The following PGR variants were observed in gnomAD, a reference collection of about 807,000 sequenced individuals.
PGR encodes nuclear receptor subfamily 3 group C member 3.
A neutral mutation model predicts 76.1 loss-of-function variants in PGR; 25 were observed. The observed-to-expected ratio is 0.33, with a 90% CI of 0.24 to 0.46. The LOEUF (loss-of-function observed/expected upper bound fraction) is 0.46, where lower values mean the gene tolerates loss of function less well. Ranked by LOEUF, PGR falls within the 20% of genes least tolerant of loss-of-function variation. The pLI, the probability that PGR is intolerant of heterozygous loss-of-function variation, is 1.00. For missense variants in PGR, 1,172 were observed against 1,225.3 expected (o/e 0.96, Z 0.65); for synonymous variants, 579 against 535.0 (o/e 1.08, Z -1.14).
intron 4 of PGR, among the ~76,000 whole-genome samples, chr11:101,055,123 C>CA (rs1222411943): frequency 6.6e-6 from 1 of 151,426 alleles, no homozygotes; most frequent in Non-Finnish European, 1.5e-5. Flanking sequence ...TCATATAATA[C>CA]AAAAAAATGG....
At chr11:101,093,689 C>T (rs1394373064) in intron 2 of PGR, among the ~76,000 whole-genome samples, 2 of 152,126 alleles carry the variant, frequency 1.3e-5, no homozygotes, top group African/African-American at 4.8e-5. Flanking sequence ...GAACTCCCAA[C>T]CTCAGGTGAT....
At chr11:101,059,953 G>T (rs1860434368) in intron 4 of PGR, among the ~76,000 whole-genome samples, 1 of 151,738 alleles carries the variant, frequency 6.6e-6, no homozygotes, top group Admixed American at 6.6e-5. Flanking sequence ...GATAATGGAA[G>T]AGTGTAGACA....
chr11:101,048,431 G>A (rs1859966492), intron 6 of PGR, among the ~76,000 whole-genome samples: 1 of 152,064 alleles, frequency 6.6e-6, no homozygotes, highest in Admixed American at 6.6e-5. Context: ...GATTATCACA[G>A]AGTGTACTCA....
chr11:101,076,919 A>ATTTTTTTTTTTT (rs59106149), intron 3 of PGR, among the ~76,000 whole-genome samples: 4 of 65,132 alleles, frequency 6.1e-5, no homozygotes, highest in Admixed American at 1.6e-4. Context: ...TACAAATGGA[A>ATTTTTTTTTTTT]TTTTTTTTTT....
At chr11:101,053,284 G>C (rs73571732) in intron 4 of PGR, among the ~76,000 whole-genome samples, 4,306 of 152,200 alleles carry the variant, frequency 0.028, 199 homozygotes, top group African/African-American at 0.098. Flanking sequence ...TCATGTCAAG[G>C]TAGGTAGCAA....
chr11:101,121,214 T>C (rs1387069831), intron 2 of PGR, among the ~76,000 whole-genome samples: 3 of 152,236 alleles, frequency 2.0e-5, no homozygotes, highest in Non-Finnish European at 4.4e-5. Flanking sequence ...GAGCAGACTC[T>C]ATTGGAGATT....
At chr11:101,092,008 C>T in intron 2 of PGR, 132 bp from the exon 3 acceptor site, 1 of 684,482 alleles carries the variant, frequency 1.5e-6, no homozygotes, top group Non-Finnish European at 2.7e-6. Context: ...CTGCCTGGCA[C>T]AGCTGAATGT....
At chr11:101,061,256 T>G (rs1591380161) in intron 4 of PGR, among the ~76,000 whole-genome samples, 1 of 152,290 alleles carries the variant, frequency 6.6e-6, no homozygotes, top group East Asian at 1.9e-4. Flanking sequence ...AAAAAATTAT[T>G]GTCTGTTTAA....
At chr11:101,115,759 G>A (rs1041237047) in intron 2 of PGR, among the ~76,000 whole-genome samples, 3 of 141,214 alleles carry the variant, frequency 2.1e-5, no homozygotes, top group Non-Finnish European at 4.7e-5. Flanking sequence ...ACAGAGCGGG[G>A]ACTCCCTCTC....
At chr11:101,118,394 C>T (rs758888940) in intron 2 of PGR, among the ~76,000 whole-genome samples, 7 of 152,110 alleles carry the variant, frequency 4.6e-5, no homozygotes, top group South Asian at 2.1e-4. Flanking sequence ...TTTGAGCTCA[C>T]GGTCCATACT....
intron 3 of PGR, among the ~76,000 whole-genome samples, chr11:101,081,937 T>C (rs1861322701): frequency 6.6e-6 from 1 of 152,220 alleles, no homozygotes. Context: ...ATGGTCTAAA[T>C]GCCTGATATG....
chr11:101,059,057 C>G (rs1565337029), intron 4 of PGR, among the ~76,000 whole-genome samples: 1 of 151,902 alleles, frequency 6.6e-6, no homozygotes, highest in Non-Finnish European at 1.5e-5. Context: ...AGGTTGAGAA[C>G]CATTAATATG....
chr11:101,106,665 C>T (rs1862172713), intron 2 of PGR, among the ~76,000 whole-genome samples: 1 of 152,138 alleles, frequency 6.6e-6, no homozygotes, highest in Admixed American at 6.5e-5. Flanking sequence ...AGCAATTCCT[C>T]AAGGATCTAG....
intron 3 of PGR, among the ~76,000 whole-genome samples, chr11:101,082,559 G>A (rs1229603330): frequency 7.0e-6 from 1 of 143,390 alleles, no homozygotes; most frequent in Non-Finnish European, 1.6e-5. Context: ...GATGGAGTGA[G>A]GAACTTATTG....
intron 2 of PGR, among the ~76,000 whole-genome samples, chr11:101,121,288 A>T (rs1034640046): frequency 2.6e-5 from 4 of 152,234 alleles, no homozygotes; most frequent in Non-Finnish European, 5.9e-5. Context: ...ATTCAAATTC[A>T]AATAGATTAT....
At chr11:101,052,315 G>A (rs1860122211) in intron 4 of PGR, among the ~76,000 whole-genome samples, 1 of 115,848 alleles carries the variant, frequency 8.6e-6, no homozygotes, top group South Asian at 2.7e-4. Flanking sequence ...GTGTGTGTGT[G>A]TGTGTATTGG....
chr11:101,105,484 G>C (rs1003009159), intron 2 of PGR, among the ~76,000 whole-genome samples: 1 of 143,532 alleles, frequency 7.0e-6, no homozygotes. Flanking sequence ...ATCCTATTTG[G>C]TAGCATATTC....
chr11:101,112,311 T>C (rs1348741591), intron 2 of PGR, among the ~76,000 whole-genome samples: 2 of 152,134 alleles, frequency 1.3e-5, no homozygotes, highest in African/African-American at 4.8e-5. Flanking sequence ...GAAGAGCATG[T>C]TGTAGGCTGA....
At chr11:101,062,034 T>C (rs1252656351) in intron 4 of PGR, among the ~76,000 whole-genome samples, 2 of 152,206 alleles carry the variant, frequency 1.3e-5, no homozygotes, top group African/African-American at 4.8e-5. Context: ...GAATACTACT[T>C]TGATTTGTTA....
Sources: gnomAD v4.1 joint callset for allele counts (sites outside exome capture counted in the v4.1 genomes callset) on GRCh38, gnomAD v4.1.1 for gene constraint, MANE v1.5 for transcripts, NCBI Gene and HGNC (gene_info 2026-07-23, HGNC 2026-07-21) for gene names.